C12orf56: variants seen among roughly 807,000 people sequenced by gnomAD.
The protein encoded by C12orf56 is chromosome 12 open reading frame 56, also known as uncharacterized protein C12orf56.
A neutral mutation model predicts 69.9 loss-of-function variants in C12orf56; 71 were observed. That is an observed-to-expected ratio of 1.02 (90% CI 0.84 to 1.24). The LOEUF (loss-of-function observed/expected upper bound fraction) is 1.24. Among genes scored for constraint, C12orf56 ranks in the 50% most tolerant of loss-of-function variants. The probability of loss-of-function intolerance (pLI) is 0.00; values close to 1 mark genes in which losing one functional copy is unlikely to be tolerated. For missense variants in C12orf56, 732 were observed against 738.5 expected (o/e 0.99, Z 0.10); for synonymous variants, 276 against 274.1 (o/e 1.01, Z -0.07).
Position 64,277,807 on chromosome 12 carries a change from GA to G in C12orf56, c.1311-5del. On this transcript the variant is annotated splice_region_variant and splice_polypyrimidine_tract_variant and intron_variant, in intron 8 of 12. Coordinates refer to ENST00000543942, the MANE Select transcript of C12orf56 (RefSeq NM_001170633.2). ...CAAGAGATTAAATAGTGCTCCCCTG[GA>G]AAAAAATAAATAAAAGGCAATTAGT... The G allele has an allele frequency of 7.2e-6, 11 of 1,533,252 alleles. No homozygotes were observed. The highest frequency in any genetic ancestry group is 5.3e-5 in the South Asian group (4 of 76,120). The allele number at this position is 1,533,252 out of a possible 1,614,324, so 95.0% of individuals were successfully genotyped here. A position where few individuals can be genotyped will look rare whatever the true frequency, so the allele number is the denominator to read the frequency against.
At chr12:64,306,769 T>C (rs1565747541) in intron 5 of C12orf56, among the ~76,000 whole-genome samples, 1 of 152,214 alleles carries the variant, frequency 6.6e-6, no homozygotes, top group Non-Finnish European at 1.5e-5. Context: ...TGTAAAGCAC[T>C]GGAAAGGCTC....
At chr12:64,352,774 G>C (rs1053986891) in intron 2 of C12orf56, 120 bp downstream of exon 2, 2 of 877,946 alleles carry the variant, frequency 2.3e-6, no homozygotes, top group Non-Finnish European at 3.1e-6. Flanking sequence ...TCCTGGCTGC[G>C]TGATAGGAAC....
At chr12:64,330,130 T>G (rs1293629924) in intron 3 of C12orf56, among the ~76,000 whole-genome samples, 1 of 152,190 alleles carries the variant, frequency 6.6e-6, no homozygotes, top group African/African-American at 2.4e-5. Flanking sequence ...TGAACTAGTT[T>G]ACGTTCCACC....
intron 4 of C12orf56, among the ~76,000 whole-genome samples, chr12:64,318,065 TTG>T (rs2038712425): frequency 6.7e-6 from 1 of 150,236 alleles, no homozygotes; most frequent in Non-Finnish European, 1.5e-5. Context: ...CAGGTGATTT[TTG>T]TTTGTTTTTT....
chr12:64,311,467 G>A (rs2038616391), intron 5 of C12orf56, among the ~76,000 whole-genome samples: 2 of 151,898 alleles, frequency 1.3e-5, no homozygotes, highest in Admixed American at 1.3e-4. Context: ...AGGACGTTAT[G>A]GAGGAGCCCC....
In C12orf56 at chr12:64,390,395, G is replaced by C; in HGVS notation, c.171C>G (p.Asp57Glu). 1 of 1,613,364 alleles carries C rather than the reference G, an allele frequency of 6.2e-7. No individual in the cohort carries two copies. Among genetic ancestry groups the C allele is most frequent in the Non-Finnish European group, 8.5e-7 (1 of 1,179,776 alleles). The change falls in exon 1 of 13, where the codon GAC becomes GAG. Residue 57 changes from aspartate (D) to glutamate (E), a missense_variant. Asp to Glu is a conservative substitution (Grantham distance 45). Coordinates refer to ENST00000543942, the MANE Select transcript of C12orf56 (RefSeq NM_001170633.2). ...GGTTCTCGGTTAGGTAGACGAGCCGGTCGCTTAGCACCACATACTTGAGGA... is the reference window on the plus strand; with the variant it reads ...GGTTCTCGGTTAGGTAGACGAGCCGCTCGCTTAGCACCACATACTTGAGGA... Reference protein sequence around the residue: ...NHILKYVVLSDRLVYLTENPP... With the variant: ...NHILKYVVLSERLVYLTENPP...
At chr12:64,309,815 A>G (rs1391125246) in intron 5 of C12orf56, among the ~76,000 whole-genome samples, 2 of 151,866 alleles carry the variant, frequency 1.3e-5, no homozygotes, top group African/African-American at 4.8e-5. Flanking sequence ...CCGGCTTATC[A>G]TACTCACACT....
At chr12:64,349,421 A>G (rs1022985447) in intron 2 of C12orf56, among the ~76,000 whole-genome samples, 1 of 152,360 alleles carries the variant, frequency 6.6e-6, no homozygotes, top group South Asian at 2.1e-4. Context: ...GTGGGAATGT[A>G]AACTTGTACA....
chr12:64,330,729 G>A (rs1592459935), intron 3 of C12orf56, among the ~76,000 whole-genome samples: 1 of 152,062 alleles, frequency 6.6e-6, no homozygotes, highest in Non-Finnish European at 1.5e-5. Context: ...TATCTATATT[G>A]TGACATCTAT....
rs1322638640 is a variant in C12orf56 at position 64,390,450 on chromosome 12, C to T, written c.116G>A (p.Cys39Tyr). Residue 39 changes from cysteine (C) to tyrosine (Y), a missense_variant, in exon 1 of 13, where the codon TGC becomes TAC. Cys to Tyr is a radical substitution (Grantham distance 194). Coordinates refer to ENST00000543942, the MANE Select transcript of C12orf56 (RefSeq NM_001170633.2). ...VYDAVRAYEP[C>Y]IVVSNSENHI... is the part of the protein sequence containing the mutation. ...GTTCTCAGAGTTGGACACCACGATGCATGGCTCGTAGGCGCGGACCGCGTC... is the reference window on the plus strand; with the variant it reads ...GTTCTCAGAGTTGGACACCACGATGTATGGCTCGTAGGCGCGGACCGCGTC... The T allele has an allele frequency of 1.2e-6, 2 of 1,610,790 alleles. No homozygotes were observed. The highest frequency in any genetic ancestry group is 1.1e-5 in the South Asian group (1 of 91,084).
chr12:64,332,684 C>G (rs975883288), intron 2 of C12orf56, among the ~76,000 whole-genome samples: 1 of 152,190 alleles, frequency 6.6e-6, no homozygotes, highest in Non-Finnish European at 1.5e-5. Flanking sequence ...CTGCCCTAGC[C>G]ACAGCTGATG....
At position 64,274,983 on chromosome 12, in the gene C12orf56, A is replaced by G. The variant is rs1250260082; in HGVS notation, c.1510-8T>C. On this transcript the variant is annotated splice_region_variant and splice_polypyrimidine_tract_variant and intron_variant, in intron 10 of 12. Coordinates refer to ENST00000543942, the MANE Select transcript of C12orf56 (RefSeq NM_001170633.2). ...TCCCAATCCGAGATTTCCCTAAAAG[A>G]CTCAAGGAAATAAACAAGTTATATT... 6.3e-7 allele frequency: 1 copy of G among 1,598,910 alleles called. No individual in the cohort carries two copies. Among genetic ancestry groups the G allele is most frequent in the African/African-American group, 1.3e-5 (1 of 74,700 alleles).
intron 4 of C12orf56, 146 bp downstream of exon 4, chr12:64,318,429 G>A (rs1458230654): frequency 2.9e-6 from 2 of 697,932 alleles, no homozygotes; most frequent in East Asian, 5.6e-5. Flanking sequence ...CTCCTTAATT[G>A]TTCAGTACAT....
intron 1 of C12orf56, among the ~76,000 whole-genome samples, chr12:64,353,971 G>A (rs375203913): frequency 1.2e-4 from 18 of 152,284 alleles, no homozygotes; most frequent in East Asian, 5.8e-4. Flanking sequence ...GTGAGCCACC[G>A]TGCCTGGTCC....
At chr12:64,271,356 T>C (rs951408851) in intron 11 of C12orf56, among the ~76,000 whole-genome samples, 1 of 151,748 alleles carries the variant, frequency 6.6e-6, no homozygotes, top group Non-Finnish European at 1.5e-5. Flanking sequence ...TCCCAGCTAC[T>C]TGGGAGGCTG....
intron 8 of C12orf56, among the ~76,000 whole-genome samples, chr12:64,280,153 T>C (rs1255003167): frequency 6.6e-6 from 1 of 152,184 alleles, no homozygotes; most frequent in Non-Finnish European, 1.5e-5. Flanking sequence ...TAACCGCTTT[T>C]TTATTTACCC....
At position 64,390,708 on chromosome 12, in the gene C12orf56, C is replaced by G; in HGVS notation, c.-143G>C. ...CCAGGCGCGGGGACCCGGGCCGCAA[C>G]TGCAGGAATCGACGCTAGGTCGGCT... On this transcript the variant is annotated 5_prime_UTR_variant, in exon 1 of 13. Transcript: ENST00000543942. 8.3e-7 allele frequency: 1 copy of G among 1,206,032 alleles called. No homozygotes were observed. The allele number at this position is 1,206,032 out of a possible 1,614,324, so 74.7% of individuals were successfully genotyped here. A position where few individuals can be genotyped will look rare whatever the true frequency, so the allele number is the denominator to read the frequency against.
rs1425057206 is a variant in C12orf56, at chr12:64,390,346, C to T, written c.220G>A (p.Val74Met). 1 of 1,612,184 alleles carries T rather than the reference C, an allele frequency of 6.2e-7. No individual in the cohort carries two copies. Among genetic ancestry groups the T allele is most frequent in the South Asian group, 1.1e-5 (1 of 91,056 alleles). The change falls in exon 1 of 13, where the codon GTG becomes ATG. Residue 74 changes from valine to methionine, a missense_variant. Transcript: ENST00000543942. Reference protein sequence around the residue: ...ENPPKSIRRVVALRDVVAIDL... With the variant: ...ENPPKSIRRVMALRDVVAIDL... ...ATGGCCACGACGTCCCGCAGAGCCA[C>T]TACCCGCCGGATGGACTTGGGCGGG...
At chr12:64,377,193 C>CTT (rs751240899) in intron 1 of C12orf56, among the ~76,000 whole-genome samples, 28 of 128,216 alleles carry the variant, frequency 2.2e-4, no homozygotes, top group Middle Eastern at 4.7e-3. Context: ...CCTTTGCCCA[C>CTT]TTTTTTTTTT....
Sources: gnomAD v4.1 joint callset for allele counts (sites outside exome capture counted in the v4.1 genomes callset) on GRCh38, gnomAD v4.1.1 for gene constraint, MANE v1.5 for transcripts, NCBI Gene and HGNC (gene_info 2026-07-23, HGNC 2026-07-21) for gene names.